SORCS2: variants seen among roughly 807,000 people sequenced by gnomAD.
SORCS2 encodes VPS10 domain-containing receptor SorCS2.
SORCS2 carries 100 observed loss-of-function variants against 141.6 expected under a neutral mutation model. The observed-to-expected ratio is 0.71, with a 90% CI of 0.60 to 0.83. The LOEUF is 0.83. Ranked by LOEUF, SORCS2 falls within the 40% of genes least tolerant of loss-of-function variation. The pLI is 0.00. For missense variants in SORCS2, 1,646 were observed against 1,560.2 expected (o/e 1.05, Z -0.93); for synonymous variants, 789 against 676.9 (o/e 1.17, Z -2.57).
intron 1 of SORCS2, among the ~76,000 whole-genome samples, chr4:7,371,752 C>G (rs1313621772): frequency 6.6e-6 from 1 of 152,288 alleles, no homozygotes; most frequent in East Asian, 1.9e-4. Context: ...GGGTGTGTGT[C>G]GGGAGCTGAG....
chr4:7,661,496 C>G lies in SORCS2; in HGVS notation c.888-4C>G, dbSNP rs377519468. 6.1e-5 allele frequency: 95 copies of G among 1,551,610 alleles called. No individual in the cohort carries two copies. In the African/African-American group the frequency reaches 1.1e-3, roughly 18 times the overall value. ...CGACCCCAGCCTCAGCTCTTCTTTT[C>G]CAGGTCTGTGTCTGGGGTGGACGCT... On this transcript the variant is annotated splice_polypyrimidine_tract_variant and splice_region_variant and intron_variant, in intron 5 of 26. Transcript: ENST00000507866.
At chr4:7,551,984 G>T (rs1713747472) in intron 3 of SORCS2, among the ~76,000 whole-genome samples, 1 of 152,160 alleles carries the variant, frequency 6.6e-6, no homozygotes, top group African/African-American at 2.4e-5. Flanking sequence ...CGTCCTTAAT[G>T]GTTGCAACCA....
intron 1 of SORCS2, among the ~76,000 whole-genome samples, chr4:7,203,771 G>A (rs529518467): frequency 7.9e-5 from 12 of 152,246 alleles, no homozygotes; most frequent in Middle Eastern, 6.8e-3. Context: ...TCTCCAGAAC[G>A]TTCTCATCTT....
At chr4:7,246,835 C>A (rs1162834250) in intron 1 of SORCS2, among the ~76,000 whole-genome samples, 6 of 152,192 alleles carry the variant, frequency 3.9e-5, no homozygotes, top group Non-Finnish European at 7.3e-5. Context: ...GGAACTCTTT[C>A]GCCGTGACTC....
chr4:7,243,249 G>T (rs964773100), intron 1 of SORCS2, among the ~76,000 whole-genome samples: 1 of 152,196 alleles, frequency 6.6e-6, no homozygotes, highest in Non-Finnish European at 1.5e-5. Context: ...GGATTTAGGA[G>T]GTAGGTTTTG....
At chr4:7,211,321 C>CG (rs1577279898) in intron 1 of SORCS2, among the ~76,000 whole-genome samples, 2 of 152,032 alleles carry the variant, frequency 1.3e-5, no homozygotes, top group South Asian at 2.1e-4. Flanking sequence ...GCGTCCACGA[C>CG]GGGGGGCAGG....
chr4:7,494,077 G>A (rs553914065), intron 2 of SORCS2, among the ~76,000 whole-genome samples: 7 of 152,064 alleles, frequency 4.6e-5, no homozygotes, highest in African/African-American at 1.7e-4. Flanking sequence ...ACACTCATAC[G>A]TTCACATATG....
chr4:7,397,246 T>G (rs1577498161), intron 2 of SORCS2, among the ~76,000 whole-genome samples: 1 of 152,196 alleles, frequency 6.6e-6, no homozygotes, highest in Non-Finnish European at 1.5e-5. Context: ...ATTCTGTTGG[T>G]TCTTACGGAG....
Position 7,193,090 on chromosome 4 carries a change from C to G in SORCS2, c.444C>G (p.Asn148Lys). The G allele has an allele frequency of 6.4e-7, 1 of 1,560,548 alleles. No individual in the cohort carries two copies. The highest frequency in any genetic ancestry group is 1.1e-5 in the South Asian group (1 of 87,604). Residue 148 changes from asparagine to lysine, a missense_variant, in exon 1 of 27, where the codon AAC (asparagine) becomes AAG (lysine). Transcript: ENST00000507866. This position sits in a 1 kb window ranked among gnomAD's most constrained non-coding sequence, Gnocchi z 4.8. ...SFVLKGDATH[N>K]QAMVHWTGEN... Reference sequence around the variant, plus strand: ...TGCTCAAGGGGGACGCGACGCACAACCAGGCGATGGTGCACTGGACGGGCG... The same window carrying G: ...TGCTCAAGGGGGACGCGACGCACAAGCAGGCGATGGTGCACTGGACGGGCG...
intron 4 of SORCS2, among the ~76,000 whole-genome samples, chr4:7,645,614 G>GA (rs1721022744): frequency 6.6e-6 from 1 of 152,172 alleles, no homozygotes; most frequent in South Asian, 2.1e-4. Flanking sequence ...GGCCCAGACA[G>GA]AAAAAGAAGT....
In SORCS2 at chr4:7,663,177, GTGAA is replaced by G. The variant is rs957916572; in HGVS notation, c.953-1172_953-1169del. On this transcript the variant is annotated intron_variant, in intron 6 of 26. Transcript: ENST00000507866. This position sits in a 1 kb window ranked among gnomAD's most constrained non-coding sequence, Gnocchi z 4.8. ...GAGTGAGTGAGTGAATGAGTGATGA[GTGAA>G]TGAGTGAGTGAGTGAAGAGTGAATG... is the stretch of plus-strand genomic sequence containing the variant. Among the ~76,000 whole-genome samples the G allele has an allele frequency of 3.9e-5, 6 of 151,956 alleles. No individual in the cohort carries two copies. Among genetic ancestry groups the G allele is most frequent in the Non-Finnish European group, 5.9e-5 (4 of 67,982 alleles).
intron 1 of SORCS2, among the ~76,000 whole-genome samples, chr4:7,223,558 G>A (rs985565619): frequency 6.6e-6 from 1 of 152,106 alleles, no homozygotes; most frequent in Non-Finnish European, 1.5e-5. Flanking sequence ...TGGTTTCCTA[G>A]GATGAATTCT....
chr4:7,690,610 A>G (rs1182554723), intron 11 of SORCS2, among the ~76,000 whole-genome samples: 3 of 151,698 alleles, frequency 2.0e-5, no homozygotes, highest in African/African-American at 7.3e-5. Flanking sequence ...GAGTGGATGG[A>G]TGGATGAGTG....
intron 1 of SORCS2, among the ~76,000 whole-genome samples, chr4:7,341,281 G>C (rs926800006): frequency 1.3e-5 from 2 of 152,208 alleles, no homozygotes; most frequent in South Asian, 4.1e-4. Context: ...CTTTGCACAT[G>C]CTGTTCTTTC....
In SORCS2 at chr4:7,733,381, C is replaced by T. The variant is rs199677935; in HGVS notation, c.3168C>T (p.Gly1056=). Reference sequence around the variant, plus strand: ...AGAAGATCAGCTTCCTCCTGCGAGGCGGAGTCCGGGTCCTGGTGGCCCTGC... The same window carrying T: ...AGAAGATCAGCTTCCTCCTGCGAGGTGGAGTCCGGGTCCTGGTGGCCCTGC... ...NAQKISFLLR[G]GVRVLVALRD... The change falls in exon 24 of 27, where the codon GGC becomes GGT. Residue 1056 remains glycine (G), a synonymous_variant. Coordinates refer to ENST00000507866, the MANE Select transcript of SORCS2 (RefSeq NM_020777.3). 22 of 1,590,866 alleles carry T rather than the reference C, an allele frequency of 1.4e-5. No homozygotes were observed. Among genetic ancestry groups the T allele is most frequent in the East Asian group, 9.1e-5 (4 of 43,846 alleles).
At chr4:7,596,982 C>G (rs946026070) in intron 3 of SORCS2, among the ~76,000 whole-genome samples, 2 of 152,056 alleles carry the variant, frequency 1.3e-5, no homozygotes, top group Non-Finnish European at 2.9e-5. Context: ...CAGAAAACCA[C>G]CAAGAGCCAT....
chr4:7,718,521 G>A (rs1230201647), intron 18 of SORCS2, among the ~76,000 whole-genome samples: 1 of 152,210 alleles, frequency 6.6e-6, no homozygotes, highest in African/African-American at 2.4e-5. Flanking sequence ...ATTCCCGTGG[G>A]TGGTAATACA....
intron 11 of SORCS2, among the ~76,000 whole-genome samples, chr4:7,693,916 C>A (rs2108993555): frequency 6.6e-6 from 1 of 152,316 alleles, no homozygotes; most frequent in Non-Finnish European, 1.5e-5. Context: ...TGAGCCCCAC[C>A]AGTTCTGTGG....
intron 1 of SORCS2, among the ~76,000 whole-genome samples, chr4:7,200,704 C>T (rs1471097623): frequency 1.3e-5 from 2 of 152,162 alleles, no homozygotes; most frequent in African/African-American, 2.4e-5. Flanking sequence ...GCTGGTCTCA[C>T]CCGTGCCTGC....
Sources: gnomAD v4.1 joint callset for allele counts (sites outside exome capture counted in the v4.1 genomes callset) on GRCh38, gnomAD v4.1.1 for gene constraint, Gnocchi (gnomAD v3.1) non-coding constraint, MANE v1.5 for transcripts, NCBI Gene and HGNC (gene_info 2026-07-23, HGNC 2026-07-21) for gene names.